The following ADCY2 variants were observed in gnomAD, a reference collection of about 807,000 sequenced individuals.
The protein encoded by ADCY2 is adenylate cyclase 2, also known as adenylate cyclase type 2.
ADCY2 carries 31 observed loss-of-function variants against 125.2 expected under a neutral mutation model. The observed-to-expected ratio is 0.25, with a 90% CI of 0.19 to 0.33. ADCY2 has a LOEUF of 0.33. ADCY2 is among the 10% of genes least tolerant of loss of function. The pLI is 1.00. For synonymous variants in ADCY2, 512 were observed against 548.4 expected, an observed-to-expected ratio of 0.93 and a Z score of 0.93; for missense variants, 904 against 1,418.2, an observed-to-expected ratio of 0.64 and a Z score of 5.82.
At chr5:7,432,900 A>ACGTACTGCTTATTGTACATGT (rs1561022773) in intron 2 of ADCY2, among the ~76,000 whole-genome samples, 1 of 151,422 alleles carries the variant, frequency 6.6e-6, no homozygotes, top group Non-Finnish European at 1.5e-5. Context: ...CAATTTCAAC[A>ACGTACTGCTTATTGTACATGT]TGTACTGCTT....
chr5:7,493,834 A>G (rs1743252741), intron 2 of ADCY2, among the ~76,000 whole-genome samples: 1 of 152,118 alleles, frequency 6.6e-6, no homozygotes, highest in Admixed American at 6.5e-5. Flanking sequence ...ATCTCTAGCA[A>G]CCCTGGCCTA....
chr5:7,805,793 C>T (rs980349817), intron 22 of ADCY2, among the ~76,000 whole-genome samples: 4 of 152,202 alleles, frequency 2.6e-5, no homozygotes, highest in Non-Finnish European at 5.9e-5. Context: ...TCCCGCTTAA[C>T]ATTCATGCAT....
chr5:7,802,141 C>G lies in ADCY2; in HGVS notation c.2629-77C>G. 6.5e-7 allele frequency: 1 copy of G among 1,529,100 alleles called. No homozygotes were observed. The highest frequency in any genetic ancestry group is 8.9e-7 in the Non-Finnish European group (1 of 1,129,064). 94.7% of individuals were successfully genotyped at this position (1,529,100 alleles called of 1,614,324 possible). ...ATGTCTGTGTGAATCCTGGCATAAA[C>G]AAGCCACTTGCCTGTGGAGTGTTTC... is the stretch of plus-strand genomic sequence containing the variant. On this transcript the variant is annotated intron_variant, in intron 20 of 24. Coordinates refer to ENST00000338316, the MANE Select transcript of ADCY2 (RefSeq NM_020546.3). This position sits in a 1 kb window ranked among gnomAD's most constrained non-coding sequence, Gnocchi z 4.6.
Position 7,430,463 on chromosome 5 carries a change from A to G in ADCY2, c.408+15693A>G, listed in dbSNP as rs141555108. ...CATTCTAACCAAAATTCAAATCAAA[A>G]TTTATCAAGTGATTACCACATTTAA... On this transcript the variant is annotated intron_variant, in intron 2 of 24. Coordinates refer to ENST00000338316, the MANE Select transcript of ADCY2 (RefSeq NM_020546.3). Among the ~76,000 whole-genome samples, 167 of 148,570 alleles carry G rather than the reference A, an allele frequency of 1.1e-3. 1 individual carries two copies. Among genetic ancestry groups the G allele is most frequent in the African/African-American group, 4.1e-3 (163 of 39,278 alleles).
At chr5:7,661,479 G>A (rs938724070) in intron 4 of ADCY2, among the ~76,000 whole-genome samples, 1 of 152,108 alleles carries the variant, frequency 6.6e-6, no homozygotes, top group African/African-American at 2.4e-5. Flanking sequence ...AAATGCAAGT[G>A]GATTAAACTC....
At position 7,396,218 on chromosome 5, in the gene ADCY2, G is replaced by A; in HGVS notation, c.-79G>A. ...CAGCCGGGCCGGCCGAGGCGGCGCGGGGGTGGGACGCGGGCGGCCGCGGCG... is the reference window on the plus strand; with the variant it reads ...CAGCCGGGCCGGCCGAGGCGGCGCGAGGGTGGGACGCGGGCGGCCGCGGCG... On this transcript the variant is annotated 5_prime_UTR_variant, in exon 1 of 25. Transcript: ENST00000338316. The surrounding 1 kb of genome is among the most constrained non-coding windows in gnomAD (Gnocchi z 5.7). 1.2e-6 allele frequency: 1 copy of A among 821,704 alleles called. No homozygotes were observed. The highest frequency in any genetic ancestry group is 1.5e-6 in the Non-Finnish European group (1 of 684,244). The allele number at this position is 821,704 out of a possible 1,614,324, so 50.9% of individuals were successfully genotyped here. A position where few individuals can be genotyped will look rare whatever the true frequency, so the allele number is the denominator to read the frequency against.
intron 14 of ADCY2, among the ~76,000 whole-genome samples, chr5:7,741,660 C>T (rs1025894202): frequency 6.1e-5 from 9 of 147,604 alleles, no homozygotes; most frequent in Non-Finnish European, 1.4e-4. Context: ...TCCTCATTAT[C>T]ATCATCATCA....
At chr5:7,431,677 A>G (rs1377666951) in intron 2 of ADCY2, among the ~76,000 whole-genome samples, 1 of 152,178 alleles carries the variant, frequency 6.6e-6, no homozygotes, top group Admixed American at 6.5e-5. Flanking sequence ...AAATCATTAT[A>G]AAATCTGACC....
At chr5:7,499,648 GATATATATATATATATAT>G (rs70940741) in intron 2 of ADCY2, among the ~76,000 whole-genome samples, 19 of 118,416 alleles carry the variant, frequency 1.6e-4, no homozygotes, top group East Asian at 3.0e-4. Context: ...TATGTGGGTG[GATATATATATATATATAT>G]ATATATATAT....
intron 2 of ADCY2, among the ~76,000 whole-genome samples, chr5:7,520,384 G>A (rs894158618): frequency 2.6e-5 from 4 of 152,116 alleles, no homozygotes; most frequent in African/African-American, 9.7e-5. Flanking sequence ...TCCTCTGTGG[G>A]TCTCCCTTTG....
chr5:7,522,484 C>CCTGAGGGTAT (rs58014147), intron 3 of ADCY2: 22,495 of 152,070 alleles, frequency 0.15, 2,000 homozygotes, highest in African/African-American at 0.25. Context: ...CAGAGCCTCT[C>CCTGAGGGTAT]CTGTGGGGCA....
At chr5:7,408,108 G>A (rs1739572157) in intron 1 of ADCY2, among the ~76,000 whole-genome samples, 1 of 151,820 alleles carries the variant, frequency 6.6e-6, no homozygotes, top group African/African-American at 2.4e-5. Context: ...CTGACCTCGT[G>A]ATCTGCTCGC....
In ADCY2 at chr5:7,695,735, C is replaced by T; in HGVS notation, c.870-17C>T. 6.5e-7 allele frequency: 1 copy of T among 1,544,938 alleles called. No homozygotes were observed. On this transcript the variant is annotated splice_polypyrimidine_tract_variant and intron_variant, in intron 5 of 24. Coordinates refer to ENST00000338316, the MANE Select transcript of ADCY2 (RefSeq NM_020546.3). ...AAACTGGAAAACTCTGTCTCCTCAC[C>T]TCCTTTCTTCCCACAGCATCTTATA... is the stretch of plus-strand genomic sequence containing the variant.
rs1740382042 is a variant in ADCY2, at chr5:7,426,255, C to T, written c.408+11485C>T. ...GTGAATATTGAGTTCTCATCGTTTA[C>T]TTTTTAGAACTATTTGGCCTTTGTC... On this transcript the variant is annotated intron_variant, in intron 2 of 24. Transcript: ENST00000338316. Among the ~76,000 whole-genome samples, 3 of 152,180 alleles carry T rather than the reference C, an allele frequency of 2.0e-5. No homozygotes were observed. The South Asian group carries it at 6.2e-4, about 32-fold the overall frequency.
At chr5:7,589,474 G>GAAAGAAAGAAAGAA (rs1736754919) in intron 3 of ADCY2, among the ~76,000 whole-genome samples, 2 of 48,696 alleles carry the variant, frequency 4.1e-5, no homozygotes, top group Non-Finnish European at 9.9e-5. Flanking sequence ...AAGAAAGAAA[G>GAAAGAAAGAAAGAA]AAAGAAAGAA....
At position 7,816,855 on chromosome 5, in the gene ADCY2, T is replaced by C. The variant is rs762922183; in HGVS notation, c.2884-11T>C. The C allele has an allele frequency of 2.5e-6, 4 of 1,611,926 alleles. No individual in the cohort carries two copies. Among genetic ancestry groups the C allele is most frequent in the Non-Finnish European group, 3.4e-6 (4 of 1,178,004 alleles). The stretch of plus-strand genomic sequence containing the variant: ...TCTAACTTCCATCTGCCTGTGTGTG[T>C]TTGTTCTCAGGAGCCCGAGCGGCAG... On this transcript the variant is annotated splice_polypyrimidine_tract_variant and intron_variant, in intron 22 of 24. Coordinates refer to ENST00000338316, the MANE Select transcript of ADCY2 (RefSeq NM_020546.3).
At chr5:7,801,951 T>C in intron 20 of ADCY2, 1 of 379,990 alleles carries the variant, frequency 2.6e-6, no homozygotes, top group Non-Finnish European at 4.7e-6. Context: ...TGGTCTGTTG[T>C]CATTGTCTCA....
intron 3 of ADCY2, among the ~76,000 whole-genome samples, chr5:7,553,983 A>G (rs1735427984): frequency 6.6e-6 from 1 of 152,190 alleles, no homozygotes; most frequent in Non-Finnish European, 1.5e-5. Flanking sequence ...TGAAAATCCC[A>G]CTATGGCATG....
At chr5:7,776,548 T>C (rs180901551) in intron 18 of ADCY2, among the ~76,000 whole-genome samples, 42 of 152,270 alleles carry the variant, frequency 2.8e-4, no homozygotes, top group African/African-American at 9.1e-4. Flanking sequence ...CTGACGACAC[T>C]GTGATGGTTA....
Sources: gnomAD v4.1 joint callset for allele counts (sites outside exome capture counted in the v4.1 genomes callset) on GRCh38, gnomAD v4.1.1 for gene constraint, Gnocchi (gnomAD v3.1) non-coding constraint, MANE v1.5 for transcripts, NCBI Gene and HGNC (gene_info 2026-07-23, HGNC 2026-07-21) for gene names.